Variants in CALN1 observed in about 807,000 individuals in gnomAD.
The protein encoded by CALN1 is calcium-binding protein 8.
Under a neutral mutation model 30.6 loss-of-function variants are expected in CALN1, and 17 were observed. The observed-to-expected ratio is 0.56, with a 90% CI of 0.38 to 0.83. The LOEUF is 0.83. Ranked by LOEUF, CALN1 falls within the 40% of genes least tolerant of loss-of-function variation. The probability of loss-of-function intolerance (pLI) is 0.00; values close to 1 mark genes in which losing one functional copy is unlikely to be tolerated. For missense variants in CALN1, 291 were observed against 354.9 expected (o/e 0.82, Z 1.45); for synonymous variants, 156 against 131.4 (o/e 1.19, Z -1.28).
intron 4 of CALN1, among the ~76,000 whole-genome samples, chr7:72,102,728 G>C (rs1027905679): frequency 4.6e-5 from 7 of 152,242 alleles, no homozygotes; most frequent in Non-Finnish European, 1.0e-4. Context: ...AAATAGAGAA[G>C]TGCTTGTGTA....
At chr7:72,014,573 T>C (rs1164434655) in intron 5 of CALN1, among the ~76,000 whole-genome samples, 1 of 152,238 alleles carries the variant, frequency 6.6e-6, no homozygotes, top group East Asian at 1.9e-4. Context: ...ATCCCATTTA[T>C]TGTCAAGAGG....
At chr7:72,128,483 C>T (rs1808921476) in intron 3 of CALN1, among the ~76,000 whole-genome samples, 1 of 152,096 alleles carries the variant, frequency 6.6e-6, no homozygotes, top group South Asian at 2.1e-4. Context: ...ATTCCTATTA[C>T]AAAAACATGA....
chr7:72,193,694 C>A (rs749827435), intron 3 of CALN1, among the ~76,000 whole-genome samples: 3 of 152,080 alleles, frequency 2.0e-5, no homozygotes, highest in Admixed American at 6.6e-5. Flanking sequence ...CTATGTATCT[C>A]AATATATCTA....
chr7:72,232,913 G>C (rs1794213231), intron 3 of CALN1, among the ~76,000 whole-genome samples: 1 of 152,124 alleles, frequency 6.6e-6, no homozygotes, highest in African/African-American at 2.4e-5. Flanking sequence ...TGATGACAGT[G>C]ACACCTTCTT....
At chr7:72,410,616 C>T (rs1807057386) in intron 1 of CALN1, among the ~76,000 whole-genome samples, 1 of 152,216 alleles carries the variant, frequency 6.6e-6, no homozygotes, top group South Asian at 2.1e-4. Context: ...CCTAATGTCC[C>T]TTCATGTCCT....
the CALN1 span, among the ~76,000 whole-genome samples, chr7:72,501,224 C>G: frequency 1.3e-5 from 2 of 151,474 alleles, no homozygotes; most frequent in South Asian, 4.2e-4. Flanking sequence ...TTCAGAGTAG[C>G]TAGACATGTA....
chr7:72,212,349 C>CAAAA (rs35123942), intron 3 of CALN1, among the ~76,000 whole-genome samples: 5 of 96,502 alleles, frequency 5.2e-5, no homozygotes, highest in South Asian at 7.3e-4. Flanking sequence ...CACACCGTCT[C>CAAAA]AAAAAAAAAA....
intron 5 of CALN1, among the ~76,000 whole-genome samples, chr7:72,014,067 G>T (rs1395582619): frequency 6.8e-6 from 1 of 147,748 alleles, no homozygotes. Context: ...ATTTCTATCA[G>T]TGTTATATGA....
the CALN1 span, among the ~76,000 whole-genome samples, chr7:72,459,482 G>A: frequency 6.6e-6 from 1 of 152,066 alleles, no homozygotes; most frequent in Non-Finnish European, 1.5e-5. Context: ...AAGCTAAGCT[G>A]GGCATGGTGG....
chr7:72,206,768 T>G (rs1278249959), intron 3 of CALN1, among the ~76,000 whole-genome samples: 1 of 152,176 alleles, frequency 6.6e-6, no homozygotes. Flanking sequence ...CATTGCAGAT[T>G]TGTTTATATA....
At chr7:71,862,246 C>T (rs1164131254) in intron 5 of CALN1, among the ~76,000 whole-genome samples, 3 of 152,164 alleles carry the variant, frequency 2.0e-5, no homozygotes, top group Non-Finnish European at 2.9e-5. Context: ...GAGACACTAG[C>T]GTATGCTGTT....
the CALN1 span, among the ~76,000 whole-genome samples, chr7:72,475,947 T>G: frequency 7.4e-6 from 1 of 135,564 alleles, no homozygotes; most frequent in African/African-American, 3.0e-5. Context: ...CTCTCTTTTT[T>G]TTTTTTTTTT....
chr7:72,111,792 C>G (rs529781686), intron 3 of CALN1, among the ~76,000 whole-genome samples: 1 of 151,842 alleles, frequency 6.6e-6, no homozygotes, highest in African/African-American at 2.4e-5. Context: ...GCTCTGTCAC[C>G]CAGGCTGGAG....
chr7:72,412,767 G>T (rs1190033336), upstream of CALN1, among the ~76,000 whole-genome samples: 1 of 152,174 alleles, frequency 6.6e-6, no homozygotes, highest in Non-Finnish European at 1.5e-5. Context: ...CTTGCTTTCA[G>T]CCCAGGAAGT....
chr7:71,846,901 AATAT>A (rs558997850), intron 5 of CALN1, among the ~76,000 whole-genome samples: 1 of 146,746 alleles, frequency 6.8e-6, no homozygotes. Flanking sequence ...ATGTATATAT[AATAT>A]ATACATACAT....
intron 5 of CALN1, among the ~76,000 whole-genome samples, chr7:71,928,285 C>A (rs1259936953): frequency 6.6e-6 from 1 of 152,080 alleles, no homozygotes; most frequent in East Asian, 1.9e-4. Context: ...TGATTCTCTC[C>A]CACTGTATGG....
chr7:72,124,943 TA>T (rs1171900002), intron 3 of CALN1, among the ~76,000 whole-genome samples: 1 of 152,126 alleles, frequency 6.6e-6, no homozygotes. Flanking sequence ...TACAACTCAT[TA>T]TTTTTTTTTA....
At position 72,228,717 on chromosome 7, in the gene CALN1, A is replaced by G. The variant is rs193060847; in HGVS notation, c.244+49969T>C. ...GCCTGGAATACAGCAAGCACTCCAC[A>G]AGTGTTGGCTACCTTATTTATATAT... On this transcript the variant is annotated intron_variant, in intron 3 of 6. Coordinates refer to ENST00000395275, the MANE Select transcript of CALN1 (RefSeq NM_031468.4). Among the ~76,000 whole-genome samples the G allele has an allele frequency of 2.8e-3, 421 of 150,914 alleles. 4 individuals carry two copies. The highest frequency in any genetic ancestry group is 0.028 in the Middle Eastern group (8 of 290).
intron 3 of CALN1, among the ~76,000 whole-genome samples, chr7:72,168,291 A>G (rs998067091): frequency 2.0e-5 from 3 of 152,274 alleles, no homozygotes; most frequent in Admixed American, 2.0e-4. Context: ...ATATTCACAT[A>G]GACAGTCCAA....
Sources: allele counts gnomAD v4.1 joint callset (sites outside exome capture counted in the v4.1 genomes callset), GRCh38; gene constraint gnomAD v4.1.1; transcripts MANE v1.5; gene names NCBI Gene and HGNC (gene_info 2026-07-23, HGNC 2026-07-21).